NACC1: variants seen among roughly 807,000 people sequenced by gnomAD.
NACC1 encodes nucleus accumbens-associated protein 1.
A neutral mutation model predicts 41.7 loss-of-function variants in NACC1; 6 were observed. The observed-to-expected ratio is 0.14, with a 90% confidence interval of 0.08 to 0.28. The LOEUF is 0.28. Among genes scored for constraint, NACC1 ranks in the 10% least tolerant of loss-of-function variants. NACC1 has a pLI of 1.00. For synonymous variants in NACC1, 338 were observed against 330.6 expected (o/e 1.02, Z -0.24); for missense variants, 434 against 763.7 (o/e 0.57, Z 5.09).
chr19:13,119,821 G>A (rs543024856), intron 1 of NACC1, among the ~76,000 whole-genome samples: 23 of 152,300 alleles, frequency 1.5e-4, no homozygotes, highest in South Asian at 6.2e-4. Flanking sequence ...GCCCTGTGCC[G>A]AGCTCGCTGG....
At chr19:13,130,528 TTC>T (rs57065176) in intron 1 of NACC1, among the ~76,000 whole-genome samples, 2,863 of 149,896 alleles carry the variant, frequency 0.019, 107 homozygotes, top group African/African-American at 0.067. Flanking sequence ...CACCTCTTTT[TTC>T]TTTTCTTTTT....
In NACC1 at chr19:13,138,587, C is replaced by A; in HGVS notation, c.*181C>A. ...CACCGAGAGCTGGGCCGGGAGAGGA[C>A]CGCAGGGCAGGTGGCGTGAGGTCCG... On this transcript the variant is annotated 3_prime_UTR_variant, in exon 6 of 6. Coordinates refer to ENST00000292431, the MANE Select transcript of NACC1 (RefSeq NM_052876.4). The surrounding 1 kb of genome is among the most constrained non-coding windows in gnomAD (Gnocchi z 5.7). 2 of 916,550 alleles carry A rather than the reference C, an allele frequency of 2.2e-6. No individual in the cohort carries two copies. The highest frequency in any genetic ancestry group is 3.2e-6 in the Non-Finnish European group (2 of 622,578). 56.8% of individuals were successfully genotyped at this position (916,550 alleles called of 1,614,324 possible). A position where few individuals can be genotyped will look rare whatever the true frequency, so the allele number is the denominator to read the frequency against.
intron 1 of NACC1, among the ~76,000 whole-genome samples, chr19:13,124,369 C>T (rs1210926882): frequency 6.6e-6 from 1 of 152,090 alleles, no homozygotes; most frequent in East Asian, 1.9e-4. Context: ...CACTGTACTC[C>T]AGCCTGGGCG....
At chr19:13,134,971 G>C (rs1364341622) in intron 1 of NACC1, among the ~76,000 whole-genome samples, 1 of 152,206 alleles carries the variant, frequency 6.6e-6, no homozygotes, top group African/African-American at 2.4e-5. Flanking sequence ...TGGCCACCCT[G>C]GTCTGCAGCT....
chr19:13,139,414 T>A lies in NACC1; in HGVS notation c.*1008T>A, dbSNP rs1161483049. On this transcript the variant is annotated 3_prime_UTR_variant, in exon 6 of 6. Transcript: ENST00000292431. ...TATTTTTCAAACCAATGGGGCTGTG[T>A]CTATTGTCCCCCTCGGTCCCCAGGG... The A allele has an allele frequency of 6.6e-6, 1 of 152,118 alleles. No homozygotes were observed. Among genetic ancestry groups the A allele is most frequent in the East Asian group, 1.9e-4 (1 of 5,180 alleles). The allele number at this position is 152,118 out of a possible 1,614,324, so 9.4% of individuals were successfully genotyped here. A position where few individuals can be genotyped will look rare whatever the true frequency, so the allele number is the denominator to read the frequency against.
rs76970081 is a variant in NACC1 at position 13,135,420 on chromosome 19, G to A, written c.213G>A (p.Ala71=). Residue 71 remains alanine, a synonymous_variant, in exon 2 of 6, where the codon GCG becomes GCA. Transcript: ENST00000292431. ...NSRSAVVELP[A]AVQPQSFQQI... is the part of the protein sequence containing the mutation. ...GCAGCGCCGTGGTGGAGCTGCCGGC[G>A]GCTGTGCAGCCCCAGTCTTTCCAGC... is the stretch of plus-strand genomic sequence containing the variant. 289 of 1,613,060 alleles carry A rather than the reference G, an allele frequency of 1.8e-4. 1 individual carries two copies. In the East Asian group the frequency reaches 5.9e-3, roughly 33 times the overall value.
In NACC1 at chr19:13,126,871, G is replaced by A. The variant is rs567527951; in HGVS notation, c.-8-8329G>A. ...ACTGTGTACCTGGCCAGGTCCTAGGGGTAGAGGACACAACAGGGATCTACA... is the reference window on the plus strand; with the variant it reads ...ACTGTGTACCTGGCCAGGTCCTAGGAGTAGAGGACACAACAGGGATCTACA... On this transcript the variant is annotated intron_variant, in intron 1 of 5. Coordinates refer to ENST00000292431, the MANE Select transcript of NACC1 (RefSeq NM_052876.4). 5.4e-5 allele frequency among the ~76,000 whole-genome samples: 7 copies of A among 129,236 alleles called. No individual in the cohort carries two copies. The East Asian group carries it at 1.2e-3, about 21-fold the overall frequency. The allele number at this position is 129,236 out of a possible 152,430, so 84.8% of individuals were successfully genotyped here.
At position 13,137,650 on chromosome 19, in the gene NACC1, C is replaced by T; in HGVS notation, c.1324+75C>T. The T allele has an allele frequency of 2.4e-6, 3 of 1,262,656 alleles. No homozygotes were observed. Among genetic ancestry groups the T allele is most frequent in the Non-Finnish European group, 3.3e-6 (3 of 899,540 alleles). 78.2% of individuals were successfully genotyped at this position (1,262,656 alleles called of 1,614,324 possible). A position where few individuals can be genotyped will look rare whatever the true frequency, so the allele number is the denominator to read the frequency against. ...GACGTTTTTTCCCAGCCTTGGCTCT[C>T]AGAGAGGGCTAGAGTTCAGTGTTGA... On this transcript the variant is annotated intron_variant, in intron 5 of 5. Coordinates refer to ENST00000292431, the MANE Select transcript of NACC1 (RefSeq NM_052876.4). The surrounding 1 kb of genome is among the most constrained non-coding windows in gnomAD (Gnocchi z 6.1).
In NACC1 at chr19:13,140,005, G is replaced by C. The variant is rs1360613821; in HGVS notation, c.*1599G>C. On this transcript the variant is annotated 3_prime_UTR_variant, in exon 6 of 6. Transcript: ENST00000292431. This position sits in a 1 kb window ranked among gnomAD's most constrained non-coding sequence, Gnocchi z 4.0. ...CAGGGGGATTTTAGGAGATGGGGTGGGGGCCAGCCCCTACTGGACCCTTGT... is the reference window on the plus strand; with the variant it reads ...CAGGGGGATTTTAGGAGATGGGGTGCGGGCCAGCCCCTACTGGACCCTTGT... The C allele has an allele frequency of 3.9e-5, 6 of 152,164 alleles. No homozygotes were observed. The highest frequency in any genetic ancestry group is 7.3e-5 in the Non-Finnish European group (5 of 68,070). The allele number at this position is 152,164 out of a possible 1,614,324, so 9.4% of individuals were successfully genotyped here. A position where few individuals can be genotyped will look rare whatever the true frequency, so the allele number is the denominator to read the frequency against.
chr19:13,135,315 C>A lies in NACC1; in HGVS notation c.108C>A (p.Val36=). ...QGLYCDVSVV[V]KGHAFKAHRA... is the part of the protein sequence containing the mutation. ...TGTACTGTGACGTGTCAGTGGTGGT[C>A]AAGGGCCATGCCTTCAAGGCCCACC... The change falls in exon 2 of 6, where the codon GTC becomes GTA. Residue 36 remains valine, a synonymous_variant. Coordinates refer to ENST00000292431, the MANE Select transcript of NACC1 (RefSeq NM_052876.4). The A allele has an allele frequency of 6.2e-7, 1 of 1,613,774 alleles. No individual in the cohort carries two copies. Among genetic ancestry groups the A allele is most frequent in the South Asian group, 1.1e-5 (1 of 91,046 alleles).
In NACC1 at chr19:13,135,317, A is replaced by G; in HGVS notation, c.110A>G (p.Lys37Arg). ...GLYCDVSVVV[K>R]GHAFKAHRAV... Reference sequence around the variant, plus strand: ...TACTGTGACGTGTCAGTGGTGGTCAAGGGCCATGCCTTCAAGGCCCACCGG... The same window carrying G: ...TACTGTGACGTGTCAGTGGTGGTCAGGGGCCATGCCTTCAAGGCCCACCGG... Residue 37 changes from lysine (K) to arginine (R), a missense_variant, in exon 2 of 6, where the codon AAG becomes AGG. Physicochemically the swap from Lys to Arg is conservative, Grantham distance 26 (BLOSUM62 2). Around this residue, in one of 4 missense-constraint regions of NACC1, gnomAD observed 67 missense variants for 180.1 expected, o/e 0.37. Coordinates refer to ENST00000292431, the MANE Select transcript of NACC1 (RefSeq NM_052876.4). The G allele has an allele frequency of 6.2e-7, 1 of 1,613,804 alleles. No individual in the cohort carries two copies.
At chr19:13,119,251 T>C (rs991290998) in intron 1 of NACC1, among the ~76,000 whole-genome samples, 2 of 151,482 alleles carry the variant, frequency 1.3e-5, no homozygotes, top group Non-Finnish European at 2.9e-5. Flanking sequence ...CGCCCCCAAC[T>C]CAAGTGTTAA....
At position 13,135,858 on chromosome 19, in the gene NACC1, C is replaced by A. The variant is rs745755014; in HGVS notation, c.651C>A (p.His217Gln). 3 of 1,552,780 alleles carry A rather than the reference C, an allele frequency of 1.9e-6. No homozygotes were observed. Among genetic ancestry groups the A allele is most frequent in the Admixed American group, 1.9e-5 (1 of 51,494 alleles). ...CGGACCTGGCTGCCAACCGGCCTCA[C>A]CAGCCCCCGCCACCCCAACAGGCTC... ...STPDLAANRP[H>Q]QPPPPQQAPV... Residue 217 changes from histidine (H) to glutamine (Q), a missense_variant, in exon 2 of 6, where the codon CAC becomes CAA. His to Gln is a conservative substitution (Grantham distance 24). Around this residue, in one of 4 missense-constraint regions of NACC1, gnomAD observed 234 missense variants for 308.3 expected, o/e 0.76. Transcript: ENST00000292431.
rs755545917 is a variant in NACC1 at position 13,135,424 on chromosome 19, G to C, written c.217G>C (p.Val73Leu). The C allele has an allele frequency of 6.2e-7, 1 of 1,613,022 alleles. No homozygotes were observed. Among genetic ancestry groups the C allele is most frequent in the Admixed American group, 1.7e-5 (1 of 59,986 alleles). The change falls in exon 2 of 6, where the codon GTG (valine) becomes CTG (leucine). Residue 73 changes from valine to leucine, a missense_variant. Coordinates refer to ENST00000292431, the MANE Select transcript of NACC1 (RefSeq NM_052876.4). ...RSAVVELPAA[V>L]QPQSFQQILS... ...CGCCGTGGTGGAGCTGCCGGCGGCT[G>C]TGCAGCCCCAGTCTTTCCAGCAGAT...
chr19:13,133,341 G>C lies in NACC1; in HGVS notation c.-8-1859G>C, dbSNP rs115099981. 5.8e-3 allele frequency among the ~76,000 whole-genome samples: 877 copies of C among 151,728 alleles called. 6 individuals carry two copies. Among genetic ancestry groups the C allele is most frequent in the African/African-American group, 0.019 (806 of 41,372 alleles). On this transcript the variant is annotated intron_variant, in intron 1 of 5. Transcript: ENST00000292431. The stretch of plus-strand genomic sequence containing the variant: ...CCAGCACTCCAGCCTGGGCGACAGA[G>C]TGAGACTCCATCTCAAAAAAAAAAA...
At position 13,124,001 on chromosome 19, in the gene NACC1, GT is replaced by G. The variant is rs765067738; in HGVS notation, c.-9+5548del. Among the ~76,000 whole-genome samples, 6 of 152,298 alleles carry G rather than the reference GT, an allele frequency of 3.9e-5. No individual in the cohort carries two copies. In the South Asian group the frequency reaches 6.2e-4, roughly 16 times the overall value. On this transcript the variant is annotated intron_variant, in intron 1 of 5. Transcript: ENST00000292431. The stretch of plus-strand genomic sequence containing the variant: ...CCCTGGCCAGGTATGGGCCCAGTCA[GT>G]GAGGCTTGAGTAGGGGACACTGTTA...
chr19:13,126,314 G>A (rs2019561221), intron 1 of NACC1, among the ~76,000 whole-genome samples: 1 of 152,166 alleles, frequency 6.6e-6, no homozygotes, highest in African/African-American at 2.4e-5. Flanking sequence ...GCCTCCCAAA[G>A]TGCTGGGGTT....
In NACC1 at chr19:13,137,611, G is replaced by A. The variant is rs1157839825; in HGVS notation, c.1324+36G>A. ...GCCCAGCTGGACGAGGCGTGGGCCC[G>A]GGGCACGCAGGTTGACGTTTTTTCC... On this transcript the variant is annotated intron_variant, in intron 5 of 5. Coordinates refer to ENST00000292431, the MANE Select transcript of NACC1 (RefSeq NM_052876.4). The surrounding 1 kb of genome is among the most constrained non-coding windows in gnomAD (Gnocchi z 6.1). The A allele has an allele frequency of 1.9e-5, 29 of 1,516,968 alleles. No homozygotes were observed. Among genetic ancestry groups the A allele is most frequent in the East Asian group, 1.2e-4 (5 of 40,184 alleles). 94.0% of individuals were successfully genotyped at this position (1,516,968 alleles called of 1,614,324 possible). A position where few individuals can be genotyped will look rare whatever the true frequency, so the allele number is the denominator to read the frequency against.
rs2145624839 is a variant in NACC1 at position 13,136,621 on chromosome 19, G to A, written c.1120+216G>A. On this transcript the variant is annotated intron_variant, in intron 3 of 5. Transcript: ENST00000292431. The surrounding 1 kb of genome is among the most constrained non-coding windows in gnomAD (Gnocchi z 5.5). Reference sequence around the variant, plus strand: ...TAGGTTTCTGGCTTAAGGGGTCGGGGCGAGCATTGGCTATTATTGTTTGGC... The same window carrying A: ...TAGGTTTCTGGCTTAAGGGGTCGGGACGAGCATTGGCTATTATTGTTTGGC... Among the ~76,000 whole-genome samples, 1 of 152,310 alleles carries A rather than the reference G, an allele frequency of 6.6e-6. No individual in the cohort carries two copies. The highest frequency in any genetic ancestry group is 1.9e-4 in the East Asian group (1 of 5,174).
Sources: gnomAD v4.1 joint callset for allele counts (sites outside exome capture counted in the v4.1 genomes callset) on GRCh38, gnomAD v4.1.1 for gene constraint, gnomAD v4.1.1 regional missense constraint, Gnocchi (gnomAD v3.1) non-coding constraint, MANE v1.5 for transcripts, NCBI Gene and HGNC (gene_info 2026-07-23, HGNC 2026-07-21) for gene names.